ITPR1: variants seen among roughly 807,000 people sequenced by gnomAD.
ITPR1 encodes the protein inositol 1,4,5-trisphosphate receptor type 1, also known as inositol 1,4,5-trisphosphate-gated calcium channel ITPR1.
A neutral mutation model predicts 318.4 loss-of-function variants in ITPR1; 96 were observed. That is an observed-to-expected ratio of 0.30 (90% CI 0.26 to 0.36). The LOEUF is 0.36. ITPR1 is among the 10% of genes least tolerant of loss of function. The pLI, the probability that ITPR1 is intolerant of heterozygous loss-of-function variation, is 1.00. For missense variants in ITPR1, 2,440 were observed against 3,460.2 expected (o/e 0.71, Z 7.40); for synonymous variants, 1,312 against 1,289.9 (o/e 1.02, Z -0.37).
chr3:4,769,473 G>A (rs1043067574), intron 46 of ITPR1, among the ~76,000 whole-genome samples: 1 of 152,180 alleles, frequency 6.6e-6, no homozygotes, highest in Non-Finnish European at 1.5e-5. Flanking sequence ...AGAAAGTTCT[G>A]AATAAATATT....
At chr3:4,590,572 A>G (rs1239960122) in intron 4 of ITPR1, among the ~76,000 whole-genome samples, 1 of 150,138 alleles carries the variant, frequency 6.7e-6, no homozygotes, top group South Asian at 2.1e-4. Flanking sequence ...ATTAATTATA[A>G]TAATAATTAC....
intron 47 of ITPR1, 45 bp downstream of exon 47, chr3:4,775,487 T>G: frequency 6.9e-7 from 1 of 1,455,786 alleles, no homozygotes. Context: ...AGTGTCCCAT[T>G]TTGGAAATGT....
intron 4 of ITPR1, among the ~76,000 whole-genome samples, chr3:4,586,546 G>C (rs1464147663): frequency 1.6e-5 from 2 of 128,180 alleles, no homozygotes; most frequent in Non-Finnish European, 3.2e-5. Context: ...GTCTTGCTCT[G>C]TCACCCAGGC....
intron 4 of ITPR1, among the ~76,000 whole-genome samples, chr3:4,551,686 T>C (rs894540374): frequency 6.6e-6 from 1 of 152,232 alleles, no homozygotes; most frequent in African/African-American, 2.4e-5. Context: ...TTAATTGTAG[T>C]GGGCTAGATA....
chr3:4,605,395 A>C (rs2091632372), intron 4 of ITPR1, among the ~76,000 whole-genome samples: 1 of 152,188 alleles, frequency 6.6e-6, no homozygotes, highest in South Asian at 2.1e-4. Flanking sequence ...AAGTGTCAGA[A>C]AGGACATTGT....
chr3:4,815,610 G>A (rs755772457), intron 59 of ITPR1, among the ~76,000 whole-genome samples: 106 of 152,232 alleles, frequency 7.0e-4, no homozygotes, highest in Non-Finnish European at 1.3e-3. Flanking sequence ...CTATAGGCAC[G>A]GGAGGAGAAG....
In ITPR1 at chr3:4,768,540, G is replaced by A. The variant is rs761060530; in HGVS notation, c.5755G>A (p.Glu1919Lys). The part of the protein sequence containing the change: ...AKEPTTQITE[E>K]VRDQLLEASA... The stretch of plus-strand genomic sequence containing the variant: ...AGAGCCCACAACACAGATAACAGAA[G>A]AGGTCCGGGATCAGCTCCTGGAGGC... Residue 1919 changes from glutamate to lysine, a missense_variant, in exon 46 of 62, where the codon GAG (glutamate) becomes AAG (lysine). Around this residue, in one of 23 missense-constraint regions of ITPR1, gnomAD observed 113 missense variants for 103.6 expected, o/e 1.09. Transcript: ENST00000649015. 1.2e-6 allele frequency: 2 copies of A among 1,613,322 alleles called. No homozygotes were observed. The highest frequency in any genetic ancestry group is 1.7e-6 in the Non-Finnish European group (2 of 1,179,432).
intron 4 of ITPR1, among the ~76,000 whole-genome samples, chr3:4,559,199 G>A (rs1053059074): frequency 6.6e-6 from 1 of 151,602 alleles, no homozygotes; most frequent in Non-Finnish European, 1.5e-5. Context: ...ATTCAAGTCA[G>A]GTTCCAAACA....
intron 52 of ITPR1, among the ~76,000 whole-genome samples, chr3:4,792,917 C>T (rs937813760): frequency 1.3e-5 from 2 of 152,028 alleles, no homozygotes; most frequent in South Asian, 2.1e-4. Context: ...TGACACAAAG[C>T]GAGTGTGCAG....
intron 2 of ITPR1, among the ~76,000 whole-genome samples, chr3:4,499,986 C>T (rs1447092128): frequency 1.3e-5 from 2 of 152,068 alleles, no homozygotes; most frequent in African/African-American, 4.8e-5. Context: ...TATGAGCACC[C>T]CTTGATGCTC....
At chr3:4,575,332 A>C (rs757740085) in intron 4 of ITPR1, among the ~76,000 whole-genome samples, 5 of 152,346 alleles carry the variant, frequency 3.3e-5, no homozygotes, top group Non-Finnish European at 5.9e-5. Context: ...GGCTTCCTCC[A>C]TATAGAATAA....
intron 42 of ITPR1, among the ~76,000 whole-genome samples, chr3:4,730,471 A>G (rs1397242675): frequency 6.6e-6 from 1 of 150,800 alleles, no homozygotes; most frequent in Non-Finnish European, 1.5e-5. Flanking sequence ...GGGAAAATGT[A>G]CCATTTGATG....
chr3:4,825,826 A>G (rs1051559), intron 60 of ITPR1: 90,717 of 456,680 alleles, frequency 0.2, 9,455 homozygotes, highest in South Asian at 0.23. Flanking sequence ...AGGCAACGCA[A>G]GGAACCAAGT....
intron 40 of ITPR1, among the ~76,000 whole-genome samples, chr3:4,721,372 A>G (rs184687576): frequency 1.1e-3 from 161 of 152,202 alleles, no homozygotes; most frequent in African/African-American, 3.4e-3. Context: ...TTCTGTTTCT[A>G]AAAACAAATA....
At chr3:4,604,258 C>T (rs1418056990) in intron 4 of ITPR1, among the ~76,000 whole-genome samples, 1 of 152,114 alleles carries the variant, frequency 6.6e-6, no homozygotes, top group South Asian at 2.1e-4. Context: ...CTTTGGAACA[C>T]AGTGATGAGT....
chr3:4,594,820 G>A (rs762696863), intron 4 of ITPR1, among the ~76,000 whole-genome samples: 3 of 152,076 alleles, frequency 2.0e-5, no homozygotes, highest in Non-Finnish European at 2.9e-5. Context: ...TAAAGTGGTC[G>A]ATTGGTAAGG....
At chr3:4,537,188 A>G (rs778674510) in intron 4 of ITPR1, among the ~76,000 whole-genome samples, 2 of 151,998 alleles carry the variant, frequency 1.3e-5, no homozygotes, top group Non-Finnish European at 2.9e-5. Context: ...TTTATTCTCT[A>G]GGGGAGTTTG....
At chr3:4,625,927 A>G (rs2092810935) in intron 4 of ITPR1, among the ~76,000 whole-genome samples, 1 of 152,188 alleles carries the variant, frequency 6.6e-6, no homozygotes, top group Non-Finnish European at 1.5e-5. Context: ...TAAACTTTTC[A>G]TGGGGAGTGT....
At chr3:4,681,592 GGAGA>G (rs1205694611) in intron 26 of ITPR1, among the ~76,000 whole-genome samples, 174 bp downstream of exon 26, 19 of 141,954 alleles carry the variant, frequency 1.3e-4, no homozygotes, top group Middle Eastern at 3.6e-3. Flanking sequence ...TTGATTGGGA[GGAGA>G]GAGAGAGTGA....
Sources: gnomAD v4.1 joint callset for allele counts (sites outside exome capture counted in the v4.1 genomes callset) on GRCh38, gnomAD v4.1.1 for gene constraint, gnomAD v4.1.1 regional missense constraint, MANE v1.5 for transcripts, NCBI Gene and HGNC (gene_info 2026-07-23, HGNC 2026-07-21) for gene names.